Variants in TUSC3 observed in about 807,000 individuals in gnomAD.
TUSC3 encodes dolichyl-diphosphooligosaccharide--protein glycosyltransferase subunit TUSC3.
Under a neutral mutation model 44.8 loss-of-function variants are expected in TUSC3, and 45 were observed. The observed-to-expected ratio is 1.00, with a 90% CI of 0.79 to 1.29. TUSC3 has a LOEUF of 1.29. Among genes scored for constraint, TUSC3 ranks in the 50% most tolerant of loss-of-function variants. TUSC3 has a pLI of 0.00. For missense variants in TUSC3, 519 were observed against 437.9 expected (o/e 1.19, Z -1.65); for synonymous variants, 212 against 152.9 (o/e 1.39, Z -2.85).
At chr8:15,650,882 C>T (rs1268924098) in intron 3 of TUSC3, 68 bp downstream of exon 3, 189 of 1,488,162 alleles carry the variant, frequency 1.3e-4, no homozygotes, top group Middle Eastern at 1.7e-4. Context: ...TTGTTTGTCA[C>T]ATAAAAATAC....
chr8:15,571,904 A>G (rs964118275), intron 1 of TUSC3, among the ~76,000 whole-genome samples: 3 of 152,096 alleles, frequency 2.0e-5, no homozygotes, highest in African/African-American at 7.2e-5. Context: ...CTGGGCTTCA[A>G]ATATTCAGTA....
intron 2 of TUSC3, among the ~76,000 whole-genome samples, chr8:15,626,109 C>A (rs11993337): frequency 6.6e-6 from 1 of 152,098 alleles, no homozygotes; most frequent in African/African-American, 2.4e-5. Context: ...GCACCGTGCC[C>A]CCTGTGCCCT....
chr8:15,490,530 G>A (rs1255426262), intron 2 of TUSC3, among the ~76,000 whole-genome samples: 2 of 152,074 alleles, frequency 1.3e-5, no homozygotes, highest in Non-Finnish European at 2.9e-5. Context: ...GCCTGCAGAG[G>A]CCAGCACTGA....
chr8:15,417,542 A>G (rs914068343), intron 1 of TUSC3, among the ~76,000 whole-genome samples: 1 of 152,246 alleles, frequency 6.6e-6, no homozygotes, highest in African/African-American at 2.4e-5. Context: ...CTAAGAGGTC[A>G]TATGACGGCA....
chr8:15,436,012 C>T (rs749806530), intron 1 of TUSC3, among the ~76,000 whole-genome samples: 3 of 152,114 alleles, frequency 2.0e-5, no homozygotes, highest in Non-Finnish European at 4.4e-5. Context: ...TTGACTGGGG[C>T]TGCAGTTATC....
chr8:15,841,158 CTA>C, the TUSC3 span, among the ~76,000 whole-genome samples: 1 of 151,872 alleles, frequency 6.6e-6, no homozygotes, highest in Non-Finnish European at 1.5e-5. Context: ...TTGCAAACAG[CTA>C]TATGTTTTAT....
At chr8:15,417,827 G>T (rs1333553712) in intron 1 of TUSC3, among the ~76,000 whole-genome samples, 3 of 152,050 alleles carry the variant, frequency 2.0e-5, no homozygotes, top group Admixed American at 6.6e-5. Context: ...TTGTGCTGTT[G>T]AATAAGACTG....
At chr8:15,644,966 A>G (rs963491734) in intron 2 of TUSC3, among the ~76,000 whole-genome samples, 5 of 152,120 alleles carry the variant, frequency 3.3e-5, no homozygotes, top group South Asian at 2.1e-4. Flanking sequence ...ATTGTCTACA[A>G]AATTTTGCTG....
chr8:15,439,656 A>C (rs1336219306), intron 1 of TUSC3, among the ~76,000 whole-genome samples: 1 of 152,222 alleles, frequency 6.6e-6, no homozygotes, highest in South Asian at 2.1e-4. Context: ...TGTTTATACA[A>C]ATTTGGGAGT....
intron 2 of TUSC3, among the ~76,000 whole-genome samples, chr8:15,502,893 T>C (rs1800986789): frequency 6.6e-6 from 1 of 152,260 alleles, no homozygotes; most frequent in Non-Finnish European, 1.5e-5. Context: ...TTACTCATTT[T>C]ACTCCTTACA....
intron 2 of TUSC3, among the ~76,000 whole-genome samples, chr8:15,635,773 T>C (rs1344163012): frequency 6.6e-6 from 1 of 152,154 alleles, no homozygotes; most frequent in Non-Finnish European, 1.5e-5. Flanking sequence ...AAGTCTAGTA[T>C]TCATTGTAGC....
intron 1 of TUSC3, among the ~76,000 whole-genome samples, chr8:15,422,517 G>T (rs904127143): frequency 3.3e-5 from 5 of 152,124 alleles, no homozygotes; most frequent in Non-Finnish European, 2.9e-5. Context: ...GTACAATAAG[G>T]TGACTATAGT....
intron 1 of TUSC3, among the ~76,000 whole-genome samples, chr8:15,571,198 C>A (rs1232770874): frequency 6.6e-6 from 1 of 151,858 alleles, no homozygotes; most frequent in Non-Finnish European, 1.5e-5. Context: ...AGGGGATCCA[C>A]CTGCCTCGGC....
At chr8:15,464,233 C>A (rs138016320) in intron 1 of TUSC3, among the ~76,000 whole-genome samples, 77 of 152,226 alleles carry the variant, frequency 5.1e-4, no homozygotes, top group African/African-American at 1.6e-3. Context: ...TGACTGCCAG[C>A]TGGATGGTTC....
chr8:15,527,975 A>G (rs1328472147), intron 2 of TUSC3, among the ~76,000 whole-genome samples: 1 of 152,240 alleles, frequency 6.6e-6, no homozygotes, highest in East Asian at 1.9e-4. Context: ...TGTACTTTAA[A>G]TAGAGCTTCT....
intron 1 of TUSC3, among the ~76,000 whole-genome samples, chr8:15,427,235 T>TA: frequency 6.6e-6 from 1 of 151,474 alleles, no homozygotes; most frequent in African/African-American, 2.4e-5. Context: ...TTTCCTTTTT[T>TA]TTTTTTTTAG....
intron 1 of TUSC3, among the ~76,000 whole-genome samples, chr8:15,621,519 AATAT>A (rs367620935): frequency 5.5e-5 from 8 of 146,352 alleles, no homozygotes; most frequent in African/African-American, 9.9e-5. Context: ...ATATATGTAA[AATAT>A]ATATATATAT....
At chr8:15,517,522 CAAAAAAAAAAAAAAAAAAA>C (rs71211049) in intron 2 of TUSC3, among the ~76,000 whole-genome samples, 159 of 77,546 alleles carry the variant, frequency 2.1e-3, no homozygotes, top group East Asian at 6.0e-3. Flanking sequence ...TAGCGTGAGG[CAAAAAAAAAAAAAAAAAAA>C]AAAAAAAAAA....
At chr8:15,623,875 G>C (rs1371167967) in intron 2 of TUSC3, among the ~76,000 whole-genome samples, 1 of 152,054 alleles carries the variant, frequency 6.6e-6, no homozygotes, top group Non-Finnish European at 1.5e-5. Flanking sequence ...CACAAGTAGG[G>C]TACTGGCATC....
Sources: allele counts gnomAD v4.1 joint callset (sites outside exome capture counted in the v4.1 genomes callset), GRCh38; gene constraint gnomAD v4.1.1; transcripts MANE v1.5; gene names NCBI Gene and HGNC (gene_info 2026-07-23, HGNC 2026-07-21).